The following CHST11 variants were observed in gnomAD, a reference collection of about 807,000 sequenced individuals.
CHST11 encodes carbohydrate sulfotransferase 11.
CHST11 carries 9 observed loss-of-function variants against 30.4 expected under a neutral mutation model. That is an observed-to-expected ratio of 0.30 (90% CI 0.18 to 0.52). The LOEUF (loss-of-function observed/expected upper bound fraction) is 0.52, where lower values mean the gene tolerates loss of function less well. Among genes scored for constraint, CHST11 ranks in the 20% least tolerant of loss-of-function variants. The pLI is 0.97. For missense variants in CHST11, 348 were observed against 460.6 expected (o/e 0.76, Z 2.24); for synonymous variants, 152 against 187.8 (o/e 0.81, Z 1.56).
chr12:104,582,934 C>G (rs1212203189), intron 1 of CHST11, among the ~76,000 whole-genome samples: 1 of 151,860 alleles, frequency 6.6e-6, no homozygotes, highest in African/African-American at 2.4e-5. Flanking sequence ...CTGGCTGCTT[C>G]CCCTAGAGAC....
At chr12:104,665,812 CTTTTTTTTT>C (rs59199522) in intron 2 of CHST11, among the ~76,000 whole-genome samples, 4 of 78,842 alleles carry the variant, frequency 5.1e-5, no homozygotes, top group Non-Finnish European at 6.9e-5. Flanking sequence ...CTCTCTGTCT[CTTTTTTTTT>C]TTTTTTTTTT....
chr12:104,689,126 T>C (rs1361494056), intron 2 of CHST11, among the ~76,000 whole-genome samples: 1 of 152,268 alleles, frequency 6.6e-6, no homozygotes, highest in Non-Finnish European at 1.5e-5. Flanking sequence ...TCTATTGTGA[T>C]GTTCTTCATT....
chr12:104,588,201 T>A (rs778012211), intron 1 of CHST11, among the ~76,000 whole-genome samples: 1 of 152,180 alleles, frequency 6.6e-6, no homozygotes, highest in Admixed American at 6.5e-5. Context: ...TTTTAGAACA[T>A]TTCCATCACC....
rs568811853 is a variant in CHST11 at position 104,615,013 on chromosome 12, T to C, written c.204+13022T>C. Among the ~76,000 whole-genome samples the C allele has an allele frequency of 6.5e-4, 99 of 152,306 alleles. 1 individual carries two copies. In the South Asian group the frequency reaches 0.02, roughly 31 times the overall value. On this transcript the variant is annotated intron_variant, in intron 2 of 2. Coordinates refer to ENST00000303694, the MANE Select transcript of CHST11 (RefSeq NM_018413.6). ...CTTCTAGAAAAGTCAACAGCCCCTGTATCTCTAGCTGATCCTCTGTTGTTC... is the reference window on the plus strand; with the variant it reads ...CTTCTAGAAAAGTCAACAGCCCCTGCATCTCTAGCTGATCCTCTGTTGTTC...
chr12:104,654,924 T>C (rs1414883271), intron 2 of CHST11, among the ~76,000 whole-genome samples: 1 of 70,000 alleles, frequency 1.4e-5, no homozygotes, highest in African/African-American at 4.3e-5. Context: ...AGCATCCTCA[T>C]TATAATGACT....
intron 2 of CHST11, among the ~76,000 whole-genome samples, chr12:104,669,419 G>T (rs1367187352): frequency 7.9e-6 from 1 of 125,874 alleles, no homozygotes; most frequent in African/African-American, 3.1e-5. Flanking sequence ...TGGTGCAAAT[G>T]ATTTTTTTTC....
intron 2 of CHST11, among the ~76,000 whole-genome samples, chr12:104,731,470 C>T (rs936435185): frequency 6.6e-6 from 1 of 152,148 alleles, no homozygotes; most frequent in African/African-American, 2.4e-5. Flanking sequence ...AAGGCTTCTC[C>T]CGGTTTTATT....
At chr12:104,571,386 C>A (rs1051161025) in intron 1 of CHST11, among the ~76,000 whole-genome samples, 1 of 152,134 alleles carries the variant, frequency 6.6e-6, no homozygotes, top group Non-Finnish European at 1.5e-5. Context: ...TGGTCTTGAT[C>A]TCCTGACCTC....
chr12:104,746,116 G>C (rs2040387194), intron 2 of CHST11, among the ~76,000 whole-genome samples: 1 of 152,176 alleles, frequency 6.6e-6, no homozygotes. Flanking sequence ...CATCTCGAAA[G>C]ACCAGGTCCT....
At chr12:104,463,029 A>C (rs12309301) in intron 1 of CHST11, among the ~76,000 whole-genome samples, 10,676 of 152,260 alleles carry the variant, frequency 0.07, 891 homozygotes, top group African/African-American at 0.21. Context: ...ATCCTTCAGC[A>C]GAGGTATCTG....
intron 2 of CHST11, among the ~76,000 whole-genome samples, chr12:104,639,091 C>T (rs1483737952): frequency 6.6e-6 from 1 of 152,172 alleles, no homozygotes; most frequent in Non-Finnish European, 1.5e-5. Context: ...TGTGCCTTTC[C>T]ATGACCTTTG....
chr12:104,481,595 G>A (rs1222926186), intron 1 of CHST11, among the ~76,000 whole-genome samples: 1 of 152,036 alleles, frequency 6.6e-6, no homozygotes. Context: ...CTCACGCGTC[G>A]ATGGGGGGCA....
intron 2 of CHST11, among the ~76,000 whole-genome samples, chr12:104,631,409 C>T (rs1270316359): frequency 6.6e-6 from 1 of 152,158 alleles, no homozygotes; most frequent in Non-Finnish European, 1.5e-5. Context: ...GGCCTCTCAT[C>T]CCCCAGCGTC....
chr12:104,693,057 A>G (rs929375518), intron 2 of CHST11, among the ~76,000 whole-genome samples: 3 of 152,050 alleles, frequency 2.0e-5, no homozygotes, highest in African/African-American at 7.2e-5. Context: ...TGGCTTGCAG[A>G]TGACTGTCTT....
intron 2 of CHST11, among the ~76,000 whole-genome samples, chr12:104,722,930 G>A (rs765309459): frequency 2.6e-5 from 4 of 152,100 alleles, no homozygotes; most frequent in Admixed American, 6.6e-5. Context: ...CGTGTCCTAC[G>A]GGAAGGCTGC....
intron 2 of CHST11, among the ~76,000 whole-genome samples, chr12:104,728,208 G>A (rs1003954180): frequency 2.6e-5 from 4 of 152,070 alleles, no homozygotes; most frequent in South Asian, 4.1e-4. Flanking sequence ...GTAATCAGTC[G>A]CCATTCAGAA....
At chr12:104,497,699 A>G (rs1183110849) in intron 1 of CHST11, among the ~76,000 whole-genome samples, 1 of 152,106 alleles carries the variant, frequency 6.6e-6, no homozygotes, top group Non-Finnish European at 1.5e-5. Flanking sequence ...TTCTTACCGT[A>G]TGTCCACATC....
At chr12:104,672,765 T>G (rs1459304260) in intron 2 of CHST11, among the ~76,000 whole-genome samples, 1 of 152,216 alleles carries the variant, frequency 6.6e-6, no homozygotes, top group Non-Finnish European at 1.5e-5. Context: ...CTCCTACACT[T>G]TCCAAGCCAA....
intron 1 of CHST11, among the ~76,000 whole-genome samples, chr12:104,547,055 C>T (rs1333461617): frequency 6.6e-6 from 1 of 152,214 alleles, no homozygotes; most frequent in African/African-American, 2.4e-5. Flanking sequence ...AGGTCTTCGA[C>T]CACTCTTGCA....
Sources: allele counts gnomAD v4.1 joint callset (sites outside exome capture counted in the v4.1 genomes callset), GRCh38; gene constraint gnomAD v4.1.1; transcripts MANE v1.5; gene names NCBI Gene and HGNC (gene_info 2026-07-23, HGNC 2026-07-21).